Variants in PTH2R observed in about 807,000 individuals in gnomAD.
PTH2R encodes parathyroid hormone 2 receptor.
Under a neutral mutation model 60.3 loss-of-function variants are expected in PTH2R, and 59 were observed. The ratio of observed to expected loss-of-function variants is 0.98; its 90% confidence interval spans 0.79 to 1.22. The LOEUF is 1.22. Ranked by LOEUF, PTH2R falls within the 50% of genes most tolerant of loss-of-function variation. The pLI, the probability that PTH2R is intolerant of heterozygous loss-of-function variation, is 0.00. For synonymous variants in PTH2R, 256 were observed against 243.8 expected (o/e 1.05, Z -0.47); for missense variants, 749 against 682.6 (o/e 1.10, Z -1.08).
Position 208,444,333 on chromosome 2 carries a change from G to A in PTH2R, c.700-401G>A, listed in dbSNP as rs181382178. On this transcript the variant is annotated intron_variant, in intron 6 of 12. Coordinates refer to ENST00000272847, the MANE Select transcript of PTH2R (RefSeq NM_005048.4). ...ATTGTTATAAGTCACTAACTTTGGGGGCAGCTTGTTTTGCAGCAATAGCTG... is the reference window on the plus strand; with the variant it reads ...ATTGTTATAAGTCACTAACTTTGGGAGCAGCTTGTTTTGCAGCAATAGCTG... 2.0e-5 allele frequency among the ~76,000 whole-genome samples: 3 copies of A among 152,176 alleles called. No homozygotes were observed. The East Asian group carries it at 5.8e-4, about 29-fold the overall frequency.
At chr2:208,409,010 C>G (rs1379727882) in intron 1 of PTH2R, among the ~76,000 whole-genome samples, 1 of 152,048 alleles carries the variant, frequency 6.6e-6, no homozygotes, top group Admixed American at 6.5e-5. Context: ...CAGTAGCCCC[C>G]CTCCCCCTAA....
At chr2:208,381,724 A>G (rs1188303263) in intron 1 of PTH2R, among the ~76,000 whole-genome samples, 1 of 152,104 alleles carries the variant, frequency 6.6e-6, no homozygotes, top group African/African-American at 2.4e-5. Flanking sequence ...CAAATGACCC[A>G]CACCCTTGTA....
intron 2 of PTH2R, among the ~76,000 whole-genome samples, chr2:208,431,165 C>T (rs1336357009): frequency 6.6e-6 from 1 of 152,030 alleles, no homozygotes; most frequent in Non-Finnish European, 1.5e-5. Context: ...TATATATTTT[C>T]CAGTTTGCCA....
chr2:208,360,362 C>T (rs1700433438), intron 1 of PTH2R: 1 of 306,070 alleles, frequency 3.3e-6, no homozygotes, highest in Admixed American at 4.1e-5. Context: ...CTCGGGGCCC[C>T]TTCCCTGGCA....
chr2:208,446,867 A>G (rs537967619), intron 7 of PTH2R, among the ~76,000 whole-genome samples: 21 of 152,334 alleles, frequency 1.4e-4, no homozygotes, highest in Admixed American at 1.2e-3. Flanking sequence ...GATCAAAAAC[A>G]TTATATATGC....
At position 208,407,095 on chromosome 2, in the gene PTH2R, A is replaced by C. The variant is rs774760404; in HGVS notation, c.52A>C (p.Ser18Arg). ...LHVWGWLMLGSCLLARAQLDS... is the reference protein window; with the variant it reads ...LHVWGWLMLGRCLLARAQLDS... Reference sequence around the variant, plus strand: ...CGTCTGGGGTTGGCTAATGCTCGGCAGCTGCCTCCTGGCCAGAGCCCAGGT... The same window carrying C: ...CGTCTGGGGTTGGCTAATGCTCGGCCGCTGCCTCCTGGCCAGAGCCCAGGT... Residue 18 changes from serine (S) to arginine (R), a missense_variant, in exon 1 of 13, where the codon AGC becomes CGC. Coordinates refer to ENST00000272847, the MANE Select transcript of PTH2R (RefSeq NM_005048.4). 2 of 1,396,104 alleles carry C rather than the reference A, an allele frequency of 1.4e-6. No individual in the cohort carries two copies. The highest frequency in any genetic ancestry group is 1.9e-6 in the Non-Finnish European group (2 of 1,067,974). 86.5% of individuals were successfully genotyped at this position (1,396,104 alleles called of 1,614,324 possible). A position where few individuals can be genotyped will look rare whatever the true frequency, so the allele number is the denominator to read the frequency against.
At chr2:208,449,286 CA>C (rs1319747836) in intron 7 of PTH2R, among the ~76,000 whole-genome samples, 5 of 152,166 alleles carry the variant, frequency 3.3e-5, no homozygotes, top group Non-Finnish European at 7.3e-5. Flanking sequence ...AATTCATAAC[CA>C]AAAGCAACTG....
intron 1 of PTH2R, among the ~76,000 whole-genome samples, chr2:208,374,795 C>T (rs1463296421): frequency 1.3e-5 from 2 of 152,100 alleles, no homozygotes; most frequent in Non-Finnish European, 2.9e-5. Flanking sequence ...CGTGAGCCAC[C>T]ACGCCCGGCC....
At chr2:208,485,931 A>G (rs1424636190) in intron 10 of PTH2R, among the ~76,000 whole-genome samples, 1 of 152,188 alleles carries the variant, frequency 6.6e-6, no homozygotes, top group Non-Finnish European at 1.5e-5. Flanking sequence ...TGAGGAAGCA[A>G]TCTGACATGT....
intron 8 of PTH2R, among the ~76,000 whole-genome samples, chr2:208,454,658 C>T (rs1402485803): frequency 6.6e-6 from 1 of 152,218 alleles, no homozygotes; most frequent in Admixed American, 6.5e-5. Context: ...AGCAGATTAA[C>T]ACACTTATGA....
chr2:208,424,434 T>C (rs1701817576), intron 1 of PTH2R, among the ~76,000 whole-genome samples: 1 of 152,204 alleles, frequency 6.6e-6, no homozygotes. Context: ...TTTCTTGCGA[T>C]AGTTCCCATT....
At chr2:208,485,007 G>A (rs533572410) in intron 10 of PTH2R, among the ~76,000 whole-genome samples, 2 of 152,298 alleles carry the variant, frequency 1.3e-5, no homozygotes, top group South Asian at 4.1e-4. Flanking sequence ...GAGAGTGGGA[G>A]AGATAGATAC....
intron 4 of PTH2R, among the ~76,000 whole-genome samples, chr2:208,441,350 A>G (rs137869308): frequency 2.4e-3 from 371 of 152,260 alleles, no homozygotes; most frequent in African/African-American, 8.2e-3. Flanking sequence ...CTTCTGGTAA[A>G]TGGATGAGTT....
Position 208,444,738 on chromosome 2 carries a change from G to C in PTH2R, c.704G>C (p.Gly235Ala). ...ATTCTGGTTTATTTGTAATAGATCG[G>C]GTGCAAGATTGCTGTTGTGATGTTT... is the stretch of plus-strand genomic sequence containing the variant. The part of the protein sequence containing the change: ...ATSVDKSQYI[G>A]CKIAVVMFIY... The change falls in exon 7 of 13, where the codon GGG becomes GCG. Residue 235 changes from glycine (G) to alanine (A), a missense_variant. Gly to Ala is a moderately conservative substitution (Grantham distance 60, BLOSUM62 0). Coordinates refer to ENST00000272847, the MANE Select transcript of PTH2R (RefSeq NM_005048.4). 6.2e-7 allele frequency: 1 copy of C among 1,612,932 alleles called. No homozygotes were observed. Among genetic ancestry groups the C allele is most frequent in the Non-Finnish European group, 8.5e-7 (1 of 1,179,526 alleles).
At chr2:208,417,432 A>G (rs1167487580) in intron 1 of PTH2R, among the ~76,000 whole-genome samples, 3 of 152,140 alleles carry the variant, frequency 2.0e-5, no homozygotes, top group Non-Finnish European at 4.4e-5. Flanking sequence ...GGTGTTGAAA[A>G]TACATGGATT....
chr2:208,466,946 A>C (rs1401124231), intron 9 of PTH2R, among the ~76,000 whole-genome samples: 1 of 151,640 alleles, frequency 6.6e-6, no homozygotes, highest in South Asian at 2.1e-4. Context: ...TTTGGTACCT[A>C]TTTCTAAGTA....
At chr2:208,392,847 TG>T (rs1701131516) in intron 1 of PTH2R, among the ~76,000 whole-genome samples, 2 of 152,170 alleles carry the variant, frequency 1.3e-5, no homozygotes, top group Non-Finnish European at 2.9e-5. Flanking sequence ...GCCGCTGGAA[TG>T]GGGGTTTGAG....
intron 1 of PTH2R, among the ~76,000 whole-genome samples, chr2:208,409,016 C>T (rs895917097): frequency 6.6e-6 from 1 of 152,096 alleles, no homozygotes; most frequent in African/African-American, 2.4e-5. Context: ...CCCCCCTCCC[C>T]CTAACTGAGA....
At chr2:208,448,667 A>G (rs1408555133) in intron 7 of PTH2R, among the ~76,000 whole-genome samples, 1 of 149,404 alleles carries the variant, frequency 6.7e-6, no homozygotes, top group Non-Finnish European at 1.5e-5. Flanking sequence ...ACTTTCAGTA[A>G]ATGCACATAC....
Sources: allele counts gnomAD v4.1 joint callset (sites outside exome capture counted in the v4.1 genomes callset), GRCh38; gene constraint gnomAD v4.1.1; transcripts MANE v1.5; gene names NCBI Gene and HGNC (gene_info 2026-07-23, HGNC 2026-07-21).